The following PDE7B variants were observed in gnomAD, a reference collection of about 807,000 sequenced individuals.
The protein encoded by PDE7B is 3',5'-cyclic-AMP phosphodiesterase 7B.
A neutral mutation model predicts 56.2 loss-of-function variants in PDE7B; 29 were observed. That is an observed-to-expected ratio of 0.52 (90% CI 0.38 to 0.70). The LOEUF (loss-of-function observed/expected upper bound fraction) is 0.70. PDE7B is among the 30% of genes least tolerant of loss of function. PDE7B has a pLI of 0.00. For missense variants in PDE7B, 490 were observed against 565.0 expected (o/e 0.87, Z 1.35); for synonymous variants, 197 against 196.9 (o/e 1.00, Z 0.00).
intron 12 of PDE7B, 142 bp from the exon 13 acceptor site, chr6:136,191,472 A>C (rs1010451794): frequency 5.6e-6 from 4 of 710,370 alleles, no homozygotes; most frequent in Non-Finnish European, 9.5e-6. Context: ...TTCAAGGCCA[A>C]CCTGGCCAAC....
Position 135,856,646 on chromosome 6 carries a change from C to A in PDE7B, c.21+4627C>A, listed in dbSNP as rs536216388. Reference sequence around the variant, plus strand: ...TTCTGGGATTCTGCGTGGCTCAGAGCATTCCAGCTGGTGTCTGCTCTGAGT... The same window carrying A: ...TTCTGGGATTCTGCGTGGCTCAGAGAATTCCAGCTGGTGTCTGCTCTGAGT... On this transcript the variant is annotated intron_variant, in intron 1 of 12. Coordinates refer to ENST00000308191, the MANE Select transcript of PDE7B (RefSeq NM_018945.4). 3.9e-5 allele frequency among the ~76,000 whole-genome samples: 6 copies of A among 152,252 alleles called. No homozygotes were observed. The South Asian group carries it at 1.2e-3, about 32-fold the overall frequency.
chr6:136,173,671 G>T lies in PDE7B; in HGVS notation c.712-126G>T. 3 of 650,350 alleles carry T rather than the reference G, an allele frequency of 4.6e-6. No individual in the cohort carries two copies. The South Asian group carries it at 5.5e-5, about 12-fold the overall frequency. The allele number at this position is 650,350 out of a possible 1,614,324, so 40.3% of individuals were successfully genotyped here. A position where few individuals can be genotyped will look rare whatever the true frequency, so the allele number is the denominator to read the frequency against. ...TTATCTTTTGGGTTTTTTTTTCCTG[G>T]TCTGCCTCTGGGTCATCAAGTACAA... On this transcript the variant is annotated intron_variant, in intron 8 of 12. Coordinates refer to ENST00000308191, the MANE Select transcript of PDE7B (RefSeq NM_018945.4).
chr6:135,971,478 G>C (rs1775093412), intron 2 of PDE7B, among the ~76,000 whole-genome samples: 1 of 152,036 alleles, frequency 6.6e-6, no homozygotes, highest in South Asian at 2.1e-4. Flanking sequence ...CAGAGAAGGA[G>C]TCAATTTTAA....
At chr6:135,954,696 A>G (rs920150217) in intron 2 of PDE7B, among the ~76,000 whole-genome samples, 1 of 152,058 alleles carries the variant, frequency 6.6e-6, no homozygotes, top group Non-Finnish European at 1.5e-5. Flanking sequence ...GAGGCCCATT[A>G]TTTTGTCTTC....
intron 12 of PDE7B, 149 bp downstream of exon 12, chr6:136,187,265 T>G (rs745486033): frequency 5.1e-6 from 3 of 585,946 alleles, no homozygotes; most frequent in Non-Finnish European, 9.0e-6. Context: ...AATTAATACT[T>G]TAATCATGAC....
intron 2 of PDE7B, chr6:136,072,506 T>C (rs1357971951): frequency 6.6e-6 from 1 of 152,200 alleles, no homozygotes; most frequent in Non-Finnish European, 1.5e-5. Flanking sequence ...ATTTTTCTAT[T>C]GATCTTAAGA....
chr6:136,158,130 A>G (rs1433290913), intron 8 of PDE7B, among the ~76,000 whole-genome samples: 5 of 152,208 alleles, frequency 3.3e-5, no homozygotes, highest in African/African-American at 1.2e-4. Context: ...CATTAACGAC[A>G]CATGGTATTT....
At chr6:135,971,504 G>C (rs986120435) in intron 2 of PDE7B, among the ~76,000 whole-genome samples, 1 of 152,196 alleles carries the variant, frequency 6.6e-6, no homozygotes, top group Non-Finnish European at 1.5e-5. Context: ...AGGGGAAGGA[G>C]CTTTCCAGAA....
rs375699735 is a variant in PDE7B at position 135,946,074 on chromosome 6, G to T, written c.22-1390G>T. On this transcript the variant is annotated intron_variant, in intron 1 of 12. Coordinates refer to ENST00000308191, the MANE Select transcript of PDE7B (RefSeq NM_018945.4). The stretch of plus-strand genomic sequence containing the variant: ...CTTCATTATTCATTGCATGTTTTTT[G>T]CTTTTTCTATAAATTAATGTATCCA... Among the ~76,000 whole-genome samples the T allele has an allele frequency of 9.9e-5, 15 of 151,654 alleles. 1 individual carries two copies. The East Asian group carries it at 2.3e-3, about 23-fold the overall frequency.
At chr6:136,137,672 T>G (rs191015734) in intron 3 of PDE7B, among the ~76,000 whole-genome samples, 3 of 152,252 alleles carry the variant, frequency 2.0e-5, no homozygotes, top group African/African-American at 7.2e-5. Context: ...ATTCTAGATT[T>G]AAGGTTTCTC....
At chr6:136,020,355 GA>G (rs1776050586) in intron 2 of PDE7B, among the ~76,000 whole-genome samples, 1 of 152,056 alleles carries the variant, frequency 6.6e-6, no homozygotes, top group South Asian at 2.1e-4. Context: ...TAAAGCTAAA[GA>G]TTTCATTTCT....
intron 1 of PDE7B, among the ~76,000 whole-genome samples, chr6:135,897,264 GT>G (rs1212790914): frequency 3.7e-4 from 6 of 16,072 alleles, no homozygotes; most frequent in African/African-American, 2.5e-3. Context: ...TTGTGTCAGG[GT>G]GTGTGTGTGT....
rs145083329 is a variant in PDE7B, at chr6:136,168,651, G to GAATT, written c.712-5143_712-5142insTAAT. On this transcript the variant is annotated intron_variant, in intron 8 of 12. Coordinates refer to ENST00000308191, the MANE Select transcript of PDE7B (RefSeq NM_018945.4). ...TGAAATAGGGTGGCTTCTATGAAAG[G>GAATT]AATGATTGGGCACAAGTGACACTAT... is the stretch of plus-strand genomic sequence containing the variant. 4.7e-3 allele frequency among the ~76,000 whole-genome samples: 713 copies of GAATT among 152,252 alleles called. 4 individuals carry two copies. The highest frequency in any genetic ancestry group is 0.017 in the African/African-American group (687 of 41,556).
At chr6:136,069,631 G>A (rs1459441647) in intron 2 of PDE7B, among the ~76,000 whole-genome samples, 1 of 152,066 alleles carries the variant, frequency 6.6e-6, no homozygotes, top group African/African-American at 2.4e-5. Context: ...AACAAACTAG[G>A]TCTTTTAAAT....
At chr6:136,002,748 A>T (rs2128206252) in intron 2 of PDE7B, among the ~76,000 whole-genome samples, 1 of 152,298 alleles carries the variant, frequency 6.6e-6, no homozygotes, top group Admixed American at 6.5e-5. Flanking sequence ...ACAAATTAAT[A>T]ATGGGAGACT....
At chr6:136,167,166 A>G (rs1325409598) in intron 8 of PDE7B, among the ~76,000 whole-genome samples, 3 of 152,088 alleles carry the variant, frequency 2.0e-5, no homozygotes, top group African/African-American at 7.2e-5. Context: ...CTATATCTGA[A>G]AGTGGGGACT....
rs1175221612 is a variant in PDE7B at position 136,037,489 on chromosome 6, C to T, written c.83-71242C>T. The T allele has an allele frequency of 3.0e-6, 3 of 985,430 alleles. No individual in the cohort carries two copies. In the East Asian group the frequency reaches 3.4e-4, roughly 112 times the overall value. 61.0% of individuals were successfully genotyped at this position (985,430 alleles called of 1,614,324 possible). A position where few individuals can be genotyped will look rare whatever the true frequency, so the allele number is the denominator to read the frequency against. ...GAGCGAGAGTGATCAAACTGAGGCA[C>T]TGAGGATCAACCAAGCCCATCCCAG... On this transcript the variant is annotated intron_variant, in intron 2 of 12. Coordinates refer to ENST00000308191, the MANE Select transcript of PDE7B (RefSeq NM_018945.4).
At chr6:136,189,209 G>A (rs1274163560) in intron 12 of PDE7B, among the ~76,000 whole-genome samples, 2 of 152,246 alleles carry the variant, frequency 1.3e-5, no homozygotes, top group South Asian at 2.1e-4. Context: ...AGTGGAACTA[G>A]GGCTTAATAT....
chr6:136,091,186 T>TA (rs1215770262), intron 2 of PDE7B, among the ~76,000 whole-genome samples: 5 of 152,182 alleles, frequency 3.3e-5, no homozygotes, highest in Admixed American at 1.3e-4. Flanking sequence ...AGGGAAACTG[T>TA]AAAAAATATG....
Sources: gnomAD v4.1 joint callset for allele counts (sites outside exome capture counted in the v4.1 genomes callset) on GRCh38, gnomAD v4.1.1 for gene constraint, MANE v1.5 for transcripts, NCBI Gene and HGNC (gene_info 2026-07-23, HGNC 2026-07-21) for gene names.